Variants in DSC1 observed in about 807,000 individuals in gnomAD.
DSC1 encodes the protein desmocollin-1.
DSC1 carries 79 observed loss-of-function variants against 98.8 expected under a neutral mutation model. The observed-to-expected ratio is 0.80, with a 90% CI of 0.67 to 0.96. DSC1 has a LOEUF of 0.96. DSC1 is among the 50% of genes least tolerant of loss of function. The pLI, the probability that DSC1 is intolerant of heterozygous loss-of-function variation, is 0.00. For missense variants in DSC1, 1,115 were observed against 1,075.9 expected (o/e 1.04, Z -0.51); for synonymous variants, 405 against 372.1 (o/e 1.09, Z -1.02).
Position 31,130,093 on chromosome 18 carries a change from T to C in DSC1, c.*421A>G, listed in dbSNP as rs1353861540. The stretch of plus-strand genomic sequence containing the variant: ...ATGCAATTATCTGGCACCAACTATG[T>C]TCTAAGAACATAATTCTCCCCAAGA... On this transcript the variant is annotated 3_prime_UTR_variant, in exon 16 of 16. Coordinates refer to ENST00000257198, the MANE Select transcript of DSC1 (RefSeq NM_024421.2). 1 of 166,744 alleles carries C rather than the reference T, an allele frequency of 6.0e-6. No homozygotes were observed. The highest frequency in any genetic ancestry group is 1.3e-5 in the Non-Finnish European group (1 of 76,744). The allele number at this position is 166,744 out of a possible 1,614,324, so 10.3% of individuals were successfully genotyped here. A position where few individuals can be genotyped will look rare whatever the true frequency, so the allele number is the denominator to read the frequency against.
At chr18:31,141,924 A>C (rs934264246) in intron 9 of DSC1, 75 bp downstream of exon 9, 66 of 1,425,838 alleles carry the variant, frequency 4.6e-5, no homozygotes, top group Non-Finnish European at 5.8e-5. Flanking sequence ...TCATATACAT[A>C]TAAGAATTAT....
chr18:31,129,589 G>A lies in DSC1; in HGVS notation c.*925C>T, dbSNP rs1271727228. On this transcript the variant is annotated 3_prime_UTR_variant, in exon 16 of 16. Transcript: ENST00000257198. ...CAGAGTTGCAGCCTAATGCATCAGG[G>A]CTAGTTGTCCAAATGCTTGGAGATG... 1 of 152,090 alleles carries A rather than the reference G, an allele frequency of 6.6e-6. No individual in the cohort carries two copies. 9.4% of individuals were successfully genotyped at this position (152,090 alleles called of 1,614,324 possible).
chr18:31,142,200 CTT>C lies in DSC1; in HGVS notation c.1075-18_1075-17del. On this transcript the variant is annotated splice_polypyrimidine_tract_variant and intron_variant, in intron 8 of 15. Transcript: ENST00000257198. ...CTGTAACATACTGAAAGAATTGCCC[CTT>C]ATTATTATCAATTTACAACTTTGAC... The C allele has an allele frequency of 6.3e-7, 1 of 1,592,688 alleles. No homozygotes were observed. The highest frequency in any genetic ancestry group is 8.5e-7 in the Non-Finnish European group (1 of 1,174,904).
Position 31,139,805 on chromosome 18 carries a change from CTCTA to C in DSC1, c.1602_1605del (p.Asp534GlufsTer6). The C allele has an allele frequency of 6.2e-7, 1 of 1,611,688 alleles. No individual in the cohort carries two copies. Reference sequence around the variant, plus strand: ...TGGTTGTTTTTTACAAATTTGGATTCTCTATCTAGTACTTTTAGAGTTCTCAAGT... The same window carrying C: ...TGGTTGTTTTTTACAAATTTGGATTCTCTAGTACTTTTAGAGTTCTCAAGT... On this transcript the variant is annotated frameshift_variant, in exon 11 of 16. Transcript: ENST00000257198. LOFTEE classifies it high-confidence loss of function.
intron 4 of DSC1, 42 bp from the exon 5 acceptor site, chr18:31,154,971 A>G: frequency 6.2e-7 from 1 of 1,601,202 alleles, no homozygotes; most frequent in Non-Finnish European, 8.5e-7. Flanking sequence ...CGTCATGATG[A>G]ATATTTTCAA....
rs892550005 is a variant in DSC1 at position 31,153,064 on chromosome 18, A to C, written c.627+1710T>G. Among the ~76,000 whole-genome samples the C allele has an allele frequency of 2.6e-5, 4 of 151,764 alleles. No homozygotes were observed. In the East Asian group the frequency reaches 7.8e-4, roughly 30 times the overall value. On this transcript the variant is annotated intron_variant, in intron 5 of 15. Transcript: ENST00000257198. ...TTGAGGATAAATTTCAACCTATTTT[A>C]TTCATTTACATTTTTTTAAATGTTA...
At chr18:31,156,739 A>C (rs544220346) in intron 3 of DSC1, among the ~76,000 whole-genome samples, 22 of 152,358 alleles carry the variant, frequency 1.4e-4, no homozygotes, top group African/African-American at 5.3e-4. Flanking sequence ...TTATAAGACG[A>C]AATTCATTGT....
At chr18:31,132,493 C>T (rs1988515598) in intron 14 of DSC1, 75 bp downstream of exon 14, 1 of 1,559,408 alleles carries the variant, frequency 6.4e-7, no homozygotes. Flanking sequence ...GTGATATTAT[C>T]ATTGACATTG....
At chr18:31,145,908 G>T in intron 6 of DSC1, 131 bp from the exon 7 acceptor site, 1 of 990,660 alleles carries the variant, frequency 1.0e-6, no homozygotes, top group Non-Finnish European at 1.5e-6. Flanking sequence ...CTGTTAAGTT[G>T]ACGAATGTGA....
rs1187112222 is a variant in DSC1, at chr18:31,140,212, A to G, written c.1350T>C (p.Thr450=). The G allele has an allele frequency of 3.7e-6, 6 of 1,614,032 alleles. No individual in the cohort carries two copies. The highest frequency in any genetic ancestry group is 5.1e-6 in the Non-Finnish European group (6 of 1,179,932). Residue 450 remains threonine (T), a synonymous_variant, in exon 10 of 16, where the codon ACT becomes ACC. Transcript: ENST00000257198. ...AQFSKAASSQ[T]PTMCTTTVTV... is the part of the protein sequence containing the mutation. ...TGACAGTTGTAGTGCACATTGTAGG[A>G]GTTTGTGAGCTCGCTGCTTTAGAGA...
chr18:31,132,002 T>C (rs1458491723), intron 14 of DSC1, 160 bp from the exon 15 acceptor site: 1 of 831,304 alleles, frequency 1.2e-6, no homozygotes, highest in Non-Finnish European at 1.8e-6. Context: ...TGGGTTGAAT[T>C]GAGTCCCCTA....
intron 13 of DSC1, among the ~76,000 whole-genome samples, chr18:31,133,486 G>T (rs1988539601): frequency 6.6e-6 from 1 of 152,002 alleles, no homozygotes; most frequent in African/African-American, 2.4e-5. Flanking sequence ...GTAAATTTTG[G>T]AATAGCTCTG....
At chr18:31,136,149 G>C (rs1366885615) in intron 11 of DSC1, among the ~76,000 whole-genome samples, 3 of 151,854 alleles carry the variant, frequency 2.0e-5, no homozygotes, top group Non-Finnish European at 4.4e-5. Flanking sequence ...GAAGAAATTT[G>C]CAATAGCATA....
chr18:31,159,423 A>G, intron 2 of DSC1, 22 bp downstream of exon 2: 1 of 1,608,188 alleles, frequency 6.2e-7, no homozygotes, highest in Non-Finnish European at 8.5e-7. Flanking sequence ...ACAGCTATGA[A>G]ACTGTTAATA....
chr18:31,143,525 T>C (rs1988780209), intron 8 of DSC1, 132 bp downstream of exon 8: 2 of 586,284 alleles, frequency 3.4e-6, no homozygotes, highest in Non-Finnish European at 5.3e-6. Flanking sequence ...TTTTTCTCCC[T>C]ATGTTATTTG....
At chr18:31,134,423 A>AT (rs1402283611) in intron 12 of DSC1, 149 bp downstream of exon 12, 43 of 811,536 alleles carry the variant, frequency 5.3e-5, no homozygotes, top group Middle Eastern at 7.5e-4. Context: ...AATGGCACTA[A>AT]TTTTTTTTAA....
At chr18:31,161,926 C>G (rs1312211293) in intron 1 of DSC1, among the ~76,000 whole-genome samples, 1 of 151,964 alleles carries the variant, frequency 6.6e-6, no homozygotes, top group Non-Finnish European at 1.5e-5. Context: ...GTGAAATAAC[C>G]CCCCTCTCTT....
At position 31,143,802 on chromosome 18, in the gene DSC1, G is replaced by A; in HGVS notation, c.940-11C>T. ...GTAAGTATCACATTTCTGAAAAAAA[G>A]GAAAAAACTACATTAATGAACACTT... On this transcript the variant is annotated splice_polypyrimidine_tract_variant and intron_variant, in intron 7 of 15. Transcript: ENST00000257198. The A allele has an allele frequency of 6.5e-7, 1 of 1,536,748 alleles. No individual in the cohort carries two copies. The highest frequency in any genetic ancestry group is 8.7e-7 in the Non-Finnish European group (1 of 1,146,168).
chr18:31,130,359 G>A lies in DSC1; in HGVS notation c.*155C>T. The A allele has an allele frequency of 2.7e-6, 2 of 751,826 alleles. No homozygotes were observed. Among genetic ancestry groups the A allele is most frequent in the Non-Finnish European group, 4.3e-6 (2 of 469,400 alleles). 46.6% of individuals were successfully genotyped at this position (751,826 alleles called of 1,614,324 possible). On this transcript the variant is annotated 3_prime_UTR_variant, in exon 16 of 16. Coordinates refer to ENST00000257198, the MANE Select transcript of DSC1 (RefSeq NM_024421.2). ...GAACATGGAAGTTATACCAGACAAG[G>A]AGAATGTAGGGGAATCTCATATTTA...
Sources: allele counts gnomAD v4.1 joint callset (sites outside exome capture counted in the v4.1 genomes callset), GRCh38; gene constraint gnomAD v4.1.1; transcripts MANE v1.5; gene names NCBI Gene and HGNC (gene_info 2026-07-23, HGNC 2026-07-21).